UBAP1: variants seen among roughly 807,000 people sequenced by gnomAD.
The protein encoded by UBAP1 is ubiquitin-associated protein 1.
In UBAP1, 5 loss-of-function variants were observed where a neutral mutation model predicts 39.0. The ratio of observed to expected loss-of-function variants is 0.13; its 90% CI spans 0.07 to 0.27. The LOEUF is 0.27. UBAP1 is among the 10% of genes least tolerant of loss of function. The probability of loss-of-function intolerance (pLI) is 1.00; values close to 1 mark genes in which losing one functional copy is unlikely to be tolerated. For missense variants in UBAP1, 490 were observed against 608.1 expected (o/e 0.81, Z 2.04); for synonymous variants, 211 against 225.1 (o/e 0.94, Z 0.56).
At chr9:34,203,101 C>T (rs1831492604) in intron 1 of UBAP1, among the ~76,000 whole-genome samples, 1 of 152,076 alleles carries the variant, frequency 6.6e-6, no homozygotes, top group Admixed American at 6.6e-5. Context: ...CAGGATTTTG[C>T]AGTTTAATTC....
In UBAP1 at chr9:34,241,732, C is replaced by T; in HGVS notation, c.707C>T (p.Thr236Ile). 1 of 1,614,012 alleles carries T rather than the reference C, an allele frequency of 6.2e-7. No homozygotes were observed. Among genetic ancestry groups the T allele is most frequent in the Non-Finnish European group, 8.5e-7 (1 of 1,179,996 alleles). Reference protein sequence around the residue: ...KPLHKPNGFITLPQLGNCEKM... With the variant: ...KPLHKPNGFIILPQLGNCEKM... Reference sequence around the variant, plus strand: ...CTTCATAAACCCAATGGCTTTATAACCTTACCACAGTTGGGCAACTGTGAA... The same window carrying T: ...CTTCATAAACCCAATGGCTTTATAATCTTACCACAGTTGGGCAACTGTGAA... Residue 236 changes from threonine (T) to isoleucine (I), a missense_variant, in exon 4 of 7, where the codon ACC becomes ATC. Thr to Ile is a moderately conservative substitution (Grantham distance 89, BLOSUM62 -1). Transcript: ENST00000297661.
chr9:34,208,909 C>G lies in UBAP1; in HGVS notation c.-7-11999C>G, dbSNP rs572748309. Among the ~76,000 whole-genome samples the G allele has an allele frequency of 2.0e-5, 3 of 151,588 alleles. No homozygotes were observed. In the East Asian group the frequency reaches 5.9e-4, roughly 30 times the overall value. On this transcript the variant is annotated intron_variant, in intron 1 of 6. Transcript: ENST00000297661. ...AAGCCTGGATGGAGTGAGCCGAGAT[C>G]AAGCTGGTTATTAACTCAGCTTCGT...
At chr9:34,182,664 TTTCTTTC>T (rs771081613) in intron 1 of UBAP1, among the ~76,000 whole-genome samples, 1,256 of 62,480 alleles carry the variant, frequency 0.02, 25 homozygotes, top group African/African-American at 0.031. Context: ...TCTTTCTTTC[TTTCTTTC>T]TTTCTTTCTT....
chr9:34,221,116 A>G (rs1342362649), intron 2 of UBAP1, among the ~76,000 whole-genome samples, 168 bp downstream of exon 2: 5 of 152,230 alleles, frequency 3.3e-5, no homozygotes, highest in Non-Finnish European at 4.4e-5. Context: ...AGGTCTTCAG[A>G]GAACTTGAAG....
At chr9:34,194,970 G>A (rs2131518518) in intron 1 of UBAP1, among the ~76,000 whole-genome samples, 1 of 152,216 alleles carries the variant, frequency 6.6e-6, no homozygotes, top group Admixed American at 6.5e-5. Flanking sequence ...ACGTAACCTA[G>A]TAAGTTGCAG....
chr9:34,234,614 C>T (rs1833586324), intron 3 of UBAP1, among the ~76,000 whole-genome samples: 1 of 151,608 alleles, frequency 6.6e-6, no homozygotes, highest in Non-Finnish European at 1.5e-5. Context: ...GACCTCATCT[C>T]TACTAGGGGA....
intron 6 of UBAP1, 75 bp from the exon 7 acceptor site, chr9:34,251,315 CCA>C (rs983985568): frequency 5.2e-5 from 77 of 1,486,248 alleles, no homozygotes; most frequent in African/African-American, 1.8e-4. Flanking sequence ...AGTCCCCGTC[CCA>C]CACACACACT....
intron 6 of UBAP1, 143 bp from the exon 7 acceptor site, chr9:34,251,249 C>A (rs2131639983): frequency 1.1e-6 from 1 of 869,640 alleles, no homozygotes; most frequent in Non-Finnish European, 1.8e-6. Context: ...TGCTAGGGGA[C>A]CTTATGGAGA....
At chr9:34,188,816 G>T (rs1830557199) in intron 1 of UBAP1, among the ~76,000 whole-genome samples, 2 of 152,156 alleles carry the variant, frequency 1.3e-5, no homozygotes, top group East Asian at 3.9e-4. Context: ...AATTAGCCAG[G>T]CATGGTGGTG....
intron 4 of UBAP1, among the ~76,000 whole-genome samples, chr9:34,249,567 C>T (rs920131412): frequency 1.1e-4 from 16 of 152,098 alleles, no homozygotes; most frequent in Non-Finnish European, 2.2e-4. Flanking sequence ...TGCAGGTGAC[C>T]TCCCACCTTT....
chr9:34,184,926 CTTTTTTTT>C (rs35634769), intron 1 of UBAP1, among the ~76,000 whole-genome samples: 118 of 105,108 alleles, frequency 1.1e-3, no homozygotes, highest in African/African-American at 4.0e-3. Context: ...CCAGCCAATC[CTTTTTTTT>C]TTTTTTTTTT....
intron 1 of UBAP1, among the ~76,000 whole-genome samples, chr9:34,219,308 C>G (rs1832527787): frequency 6.6e-6 from 1 of 151,928 alleles, no homozygotes; most frequent in Non-Finnish European, 1.5e-5. Flanking sequence ...GGCTGGTCTT[C>G]GAACTCCTGG....
chr9:34,238,774 T>C (rs1563918583), intron 3 of UBAP1, among the ~76,000 whole-genome samples: 1 of 152,252 alleles, frequency 6.6e-6, no homozygotes, highest in Non-Finnish European at 1.5e-5. Context: ...TACTTACCTT[T>C]GTACATGATA....
intron 1 of UBAP1, among the ~76,000 whole-genome samples, chr9:34,197,345 A>G (rs755341211): frequency 2.7e-5 from 4 of 149,558 alleles, no homozygotes; most frequent in Non-Finnish European, 4.4e-5. Flanking sequence ...GGGTTTCACT[A>G]TGTTGTGCTA....
intron 4 of UBAP1, among the ~76,000 whole-genome samples, chr9:34,246,944 G>A (rs188628593): frequency 1.3e-5 from 2 of 152,178 alleles, no homozygotes; most frequent in East Asian, 1.9e-4. Context: ...TTCAGTCATC[G>A]AGTATGAAAA....
rs759826275 is a variant in UBAP1 at position 34,250,746 on chromosome 9, G to A, written c.1355G>A (p.Cys452Tyr). 5 of 1,613,284 alleles carry A rather than the reference G, an allele frequency of 3.1e-6. No homozygotes were observed. The Admixed American group carries it at 8.3e-5, about 27-fold the overall frequency. The change falls in exon 6 of 7, where the codon TGT (cysteine) becomes TAT (tyrosine). Residue 452 changes from cysteine (C) to tyrosine (Y), a missense_variant. By Grantham distance (194) the Cys-to-Tyr change is radical. This residue lies in a region of UBAP1 where 339 missense variants were observed against 390.0 expected (regional missense o/e 0.87). Coordinates refer to ENST00000297661, the MANE Select transcript of UBAP1 (RefSeq NM_016525.5). ...GAAGAGGCTCTGGAAATGCACCAGT[G>A]TTCAGAAGAAAAGGTGGGAATCTTC... ...LVEEALEMHQ[C>Y]SEEKMMEFLQ... is the part of the protein sequence containing the mutation.
At chr9:34,209,096 G>C (rs1831879094) in intron 1 of UBAP1, among the ~76,000 whole-genome samples, 1 of 151,842 alleles carries the variant, frequency 6.6e-6, no homozygotes, top group Non-Finnish European at 1.5e-5. Context: ...CATGAGACCT[G>C]GCTAATATTT....
intron 1 of UBAP1, among the ~76,000 whole-genome samples, chr9:34,182,976 C>T (rs1209467604): frequency 6.6e-6 from 1 of 151,872 alleles, no homozygotes; most frequent in Non-Finnish European, 1.5e-5. Flanking sequence ...GATGAGGTTT[C>T]ACCGTGTTAG....
intron 1 of UBAP1, among the ~76,000 whole-genome samples, chr9:34,214,240 T>C (rs1021515152): frequency 2.0e-5 from 3 of 152,064 alleles, no homozygotes; most frequent in African/African-American, 7.2e-5. Context: ...AGAACAAATC[T>C]GGAGGCATCA....
Sources: allele counts gnomAD v4.1 joint callset (sites outside exome capture counted in the v4.1 genomes callset), GRCh38; gene constraint gnomAD v4.1.1; regional missense constraint gnomAD v4.1.1; transcripts MANE v1.5; gene names NCBI Gene and HGNC (gene_info 2026-07-23, HGNC 2026-07-21).